The following THNSL1 variants were observed in gnomAD, a reference collection of about 807,000 sequenced individuals.
The protein encoded by THNSL1 is threonine synthase like 1.
In THNSL1, 48 loss-of-function variants were observed where a neutral mutation model predicts 50.4. That is an observed-to-expected ratio of 0.95 (90% CI 0.76 to 1.21). The LOEUF (loss-of-function observed/expected upper bound fraction) is 1.21, where lower values mean the gene tolerates loss of function less well. Among genes scored for constraint, THNSL1 ranks in the 50% most tolerant of loss-of-function variants. THNSL1 has a pLI of 0.00. For missense variants in THNSL1, 896 were observed against 871.7 expected, an observed-to-expected ratio of 1.03 and a Z score of -0.35; for synonymous variants, 309 against 306.1, an observed-to-expected ratio of 1.01 and a Z score of -0.10.
At chr10:25,004,260 T>C in the THNSL1 span, among the ~76,000 whole-genome samples, 1 of 152,204 alleles carries the variant, frequency 6.6e-6, no homozygotes, top group Non-Finnish European at 1.5e-5. Flanking sequence ...GTCTTTATAA[T>C]AGAACAATTT....
At chr10:24,957,597 C>T in the THNSL1 span, among the ~76,000 whole-genome samples, 8 of 152,180 alleles carry the variant, frequency 5.3e-5, no homozygotes, top group African/African-American at 1.9e-4. Flanking sequence ...TGTCCTGCCT[C>T]AGCCTCCCAA....
At chr10:25,012,075 T>G (rs1232656344), upstream of THNSL1, among the ~76,000 whole-genome samples, 1 of 152,222 alleles carries the variant, frequency 6.6e-6, no homozygotes, top group Non-Finnish European at 1.5e-5. Flanking sequence ...GCTCAGGCCA[T>G]TGCTTCAGAG....
chr10:24,982,627 G>A, the THNSL1 span: 1 of 152,322 alleles, frequency 6.6e-6, no homozygotes, highest in African/African-American at 2.4e-5. Context: ...TCAGATGTTT[G>A]TCCCTCTTTT....
At chr10:25,021,528 C>G (rs554610278) in intron 1 of THNSL1, among the ~76,000 whole-genome samples, 39 of 152,212 alleles carry the variant, frequency 2.6e-4, no homozygotes, top group African/African-American at 9.4e-4. Flanking sequence ...TCCTTCAGTA[C>G]TGTTTAGTGA....
chr10:24,970,719 TA>T, the THNSL1 span, among the ~76,000 whole-genome samples: 9,646 of 122,556 alleles, frequency 0.079, 658 homozygotes, highest in African/African-American at 0.2. Flanking sequence ...TCTCTATTAA[TA>T]AAAAAAAAAA....
the THNSL1 span, among the ~76,000 whole-genome samples, chr10:25,000,732 A>C: frequency 6.6e-6 from 1 of 152,100 alleles, no homozygotes; most frequent in South Asian, 2.1e-4. Flanking sequence ...TCCAGCCACC[A>C]ATCACTTTTG....
chr10:25,008,867 C>A, the THNSL1 span, among the ~76,000 whole-genome samples: 1 of 152,168 alleles, frequency 6.6e-6, no homozygotes, highest in Admixed American at 6.5e-5. Flanking sequence ...AAATGTCCAA[C>A]AACGATAGAC....
chr10:24,984,933 AC>A, the THNSL1 span: 2 of 1,570,528 alleles, frequency 1.3e-6, no homozygotes, highest in African/African-American at 2.7e-5. Flanking sequence ...ACTTGTAAAT[AC>A]CAAAGCAAAC....
At chr10:24,969,150 T>C in the THNSL1 span, among the ~76,000 whole-genome samples, 3 of 152,340 alleles carry the variant, frequency 2.0e-5, no homozygotes, top group African/African-American at 7.2e-5. Flanking sequence ...CGCCGCGGCC[T>C]GTCGAAGTGC....
At position 25,023,455 on chromosome 10, in the gene THNSL1, A is replaced by C; in HGVS notation, c.232A>C (p.Lys78Gln). 6.2e-7 allele frequency: 1 copy of C among 1,614,184 alleles called. No individual in the cohort carries two copies. Among genetic ancestry groups the C allele is most frequent in the South Asian group, 1.1e-5 (1 of 91,078 alleles). Residue 78 changes from lysine to glutamine, a missense_variant, in exon 3 of 3, where the codon AAA becomes CAA. Transcript: ENST00000376356. The stretch of plus-strand genomic sequence containing the variant: ...AACAGTAGGCAGAATAATAGGTCAG[A>C]AACTAGGTTGTTGTGTCATAGATGT... ...KTTVGRIIGQKLGCCVIDVDD... is the reference protein window; with the variant it reads ...KTTVGRIIGQQLGCCVIDVDD...
At chr10:24,988,914 G>C in the THNSL1 span, among the ~76,000 whole-genome samples, 2 of 151,624 alleles carry the variant, frequency 1.3e-5, no homozygotes, top group African/African-American at 2.4e-5. Context: ...TCGTCAGGAG[G>C]CCAGCCGGTG....
chr10:25,020,981 T>C (rs916594627), intron 1 of THNSL1, among the ~76,000 whole-genome samples: 13 of 152,232 alleles, frequency 8.5e-5, no homozygotes, highest in Non-Finnish European at 1.6e-4. Flanking sequence ...ATTGATGTTA[T>C]GGTTCAAGTA....
Position 25,024,371 on chromosome 10 carries a change from G to A in THNSL1, c.1148G>A (p.Gly383Glu), listed in dbSNP as rs150117447. The A allele has an allele frequency of 1.7e-5, 27 of 1,613,820 alleles. No homozygotes were observed. The highest frequency in any genetic ancestry group is 2.3e-5 in the Non-Finnish European group (27 of 1,180,022). The change falls in exon 3 of 3, where the codon GGG becomes GAG. Residue 383 changes from glycine (G) to glutamate (E), a missense_variant. Transcript: ENST00000376356. Reference sequence around the variant, plus strand: ...CTTGTAGCTACTTCAGGAGACACAGGGAGTGCAGTCTTAAATGGTTTTAGT... The same window carrying A: ...CTTGTAGCTACTTCAGGAGACACAGAGAGTGCAGTCTTAAATGGTTTTAGT... ...MILVATSGDTGSAVLNGFSRL... is the reference protein window; with the variant it reads ...MILVATSGDTESAVLNGFSRL...
upstream of THNSL1, among the ~76,000 whole-genome samples, chr10:25,014,191 G>T (rs1310955995): frequency 2.6e-5 from 4 of 152,080 alleles, no homozygotes; most frequent in Non-Finnish European, 4.4e-5. Context: ...GGTTTTCAAT[G>T]ATAAATTTTA....
At chr10:24,964,967 G>T in the THNSL1 span, among the ~76,000 whole-genome samples, 2 of 152,024 alleles carry the variant, frequency 1.3e-5, no homozygotes, top group East Asian at 3.9e-4. Flanking sequence ...GGAGGCTTTG[G>T]TGGGAGGATC....
Position 25,024,170 on chromosome 10 carries a change from C to CT in THNSL1, c.948dup (p.Ala317CysfsTer35). On this transcript the variant is annotated frameshift_variant, in exon 3 of 3. Transcript: ENST00000376356. LOFTEE classifies it high-confidence loss of function. ...GCCAGGTTGGGAGAAATGATTGAAA[C>CT]TGCTTATGGGGAAAACTTTGCCTGC... 1 of 1,614,206 alleles carries CT rather than the reference C, an allele frequency of 6.2e-7. No individual in the cohort carries two copies. The highest frequency in any genetic ancestry group is 8.5e-7 in the Non-Finnish European group (1 of 1,180,036).
Position 25,024,861 on chromosome 10 carries a change from A to G in THNSL1, c.1638A>G (p.Thr546=), listed in dbSNP as rs201325912. The G allele has an allele frequency of 1.6e-4, 261 of 1,614,008 alleles. No individual in the cohort carries two copies. The highest frequency in any genetic ancestry group is 2.2e-4 in the Non-Finnish European group (255 of 1,180,042). The change falls in exon 3 of 3, where the codon ACA becomes ACG. Residue 546 remains threonine (T), a synonymous_variant. Transcript: ENST00000376356. ...QNHVLTDFIK[T]GHYDLRERKL... ...ATGTTTTGACTGATTTTATAAAAAC[A>G]GGACATTATGATCTAAGGGAAAGAA...
chr10:24,978,285 T>C, the THNSL1 span, among the ~76,000 whole-genome samples: 1 of 152,206 alleles, frequency 6.6e-6, no homozygotes, highest in African/African-American at 2.4e-5. Flanking sequence ...ACATAGTTTT[T>C]TTTTTGTTGG....
chr10:25,017,217 C>T (rs748943874), intron 1 of THNSL1, among the ~76,000 whole-genome samples: 1 of 152,176 alleles, frequency 6.6e-6, no homozygotes, highest in East Asian at 1.9e-4. Flanking sequence ...TTTTTGGTGT[C>T]CCTTGTTGGA....
Sources: gnomAD v4.1 joint callset for allele counts (sites outside exome capture counted in the v4.1 genomes callset) on GRCh38, gnomAD v4.1.1 for gene constraint, MANE v1.5 for transcripts, NCBI Gene and HGNC (gene_info 2026-07-23, HGNC 2026-07-21) for gene names.